Variants in LRP8 observed in about 807,000 individuals in gnomAD.
LRP8 encodes the protein LDL receptor related protein 8, also known as low-density lipoprotein receptor-related protein 8.
Under a neutral mutation model 111.6 loss-of-function variants are expected in LRP8, and 46 were observed. The ratio of observed to expected loss-of-function variants is 0.41; its 90% CI spans 0.33 to 0.53. The LOEUF (loss-of-function observed/expected upper bound fraction) is 0.53. Among genes scored for constraint, LRP8 ranks in the 20% least tolerant of loss-of-function variants. LRP8 has a pLI of 0.20. For missense variants in LRP8, 959 were observed against 1,297.4 expected, an observed-to-expected ratio of 0.74 and a Z score of 4.01; for synonymous variants, 464 against 511.2, an observed-to-expected ratio of 0.91 and a Z score of 1.24.
intron 2 of LRP8, among the ~76,000 whole-genome samples, chr1:53,308,968 T>A (rs982526977): frequency 8.5e-5 from 13 of 152,058 alleles, no homozygotes; most frequent in Admixed American, 8.5e-4. Context: ...AGATCCCCCC[T>A]CAGAGGGCTG....
At chr1:53,260,704 G>T in intron 12 of LRP8, 99 bp from the exon 13 acceptor site, 1 of 1,227,338 alleles carries the variant, frequency 8.1e-7, no homozygotes. Context: ...GAACTTCCCT[G>T]AAATCTCCCC....
At chr1:53,276,363 G>A (rs1032441610) in intron 5 of LRP8, among the ~76,000 whole-genome samples, 2 of 151,416 alleles carry the variant, frequency 1.3e-5, no homozygotes, top group Non-Finnish European at 2.9e-5. Flanking sequence ...CAGGCCTAGC[G>A]GGTAAAGAGA....
At chr1:53,277,186 A>G in intron 4 of LRP8, 108 bp from the exon 5 acceptor site, 3 of 1,331,438 alleles carry the variant, frequency 2.3e-6, no homozygotes, top group Non-Finnish European at 2.9e-6. Flanking sequence ...GGCCAGAACA[A>G]GTGCCCTTTG....
chr1:53,280,234 T>C (rs1055389541), intron 4 of LRP8, among the ~76,000 whole-genome samples: 2 of 152,182 alleles, frequency 1.3e-5, no homozygotes, highest in Non-Finnish European at 2.9e-5. Context: ...ACTTGTGGGA[T>C]GGATGAGCAG....
At position 53,266,822 on chromosome 1, in the gene LRP8, A is replaced by C. The variant is rs1646582438; in HGVS notation, c.1253-175T>G. On this transcript the variant is annotated intron_variant, in intron 8 of 18. Transcript: ENST00000306052. This position sits in a 1 kb window ranked among gnomAD's most constrained non-coding sequence, Gnocchi z 5.0. Reference sequence around the variant, plus strand: ...TGAAATAATGAGTACAGAAAGCAGAAGATGCAGAGCACCACGCATAGCAGG... The same window carrying C: ...TGAAATAATGAGTACAGAAAGCAGACGATGCAGAGCACCACGCATAGCAGG... 3 of 602,644 alleles carry C rather than the reference A, an allele frequency of 5.0e-6. No homozygotes were observed. In the African/African-American group the frequency reaches 5.5e-5, roughly 11 times the overall value. 37.3% of individuals were successfully genotyped at this position (602,644 alleles called of 1,614,324 possible). A position where few individuals can be genotyped will look rare whatever the true frequency, so the allele number is the denominator to read the frequency against.
chr1:53,276,858 G>A lies in LRP8; in HGVS notation c.717C>T (p.Asp239=), dbSNP rs1265466929. ...GACGGCCGCAGAGCTCGGCTGCCTC[G>A]TCCGAGCGGTCCTCGCAGTCAAACT... The part of the protein sequence containing the change: ...DRQFDCEDRS[D]EAAELCGRPG... Residue 239 remains aspartate, a synonymous_variant, in exon 5 of 19, where the codon GAC becomes GAT. Transcript: ENST00000306052. 2 of 1,358,704 alleles carry A rather than the reference G, an allele frequency of 1.5e-6. No homozygotes were observed. Among genetic ancestry groups the A allele is most frequent in the East Asian group, 3.7e-5 (1 of 26,718 alleles). The allele number at this position is 1,358,704 out of a possible 1,614,324, so 84.2% of individuals were successfully genotyped here.
intron 2 of LRP8, among the ~76,000 whole-genome samples, chr1:53,325,132 G>A (rs1654977739): frequency 6.6e-6 from 1 of 152,212 alleles, no homozygotes; most frequent in South Asian, 2.1e-4. Flanking sequence ...AACTCCCAGT[G>A]AGGAAACTCA....
rs372599423 is a variant in LRP8 at position 53,262,598 on chromosome 1, C to T, written c.1656-34G>A. On this transcript the variant is annotated intron_variant, in intron 10 of 18. Transcript: ENST00000306052. The surrounding 1 kb of genome is among the most constrained non-coding windows in gnomAD (Gnocchi z 4.8). Reference sequence around the variant, plus strand: ...CAAAATAACCCAATTTGCCTTCTTGCTGGGGACATGACCGGGGTGGTCTGA... The same window carrying T: ...CAAAATAACCCAATTTGCCTTCTTGTTGGGGACATGACCGGGGTGGTCTGA... 9 of 1,560,402 alleles carry T rather than the reference C, an allele frequency of 5.8e-6. No individual in the cohort carries two copies. Among genetic ancestry groups the T allele is most frequent in the African/African-American group, 1.4e-5 (1 of 73,924 alleles).
At chr1:53,281,973 T>C (rs557950291) in intron 3 of LRP8, among the ~76,000 whole-genome samples, 75 of 152,344 alleles carry the variant, frequency 4.9e-4, no homozygotes, top group African/African-American at 1.7e-3. Context: ...AGTGTTAGGA[T>C]TGACTGAAAG....
intron 10 of LRP8, 146 bp downstream of exon 10, chr1:53,264,023 G>A (rs1307980024): frequency 6.7e-6 from 5 of 748,548 alleles, no homozygotes; most frequent in Admixed American, 2.4e-5. Context: ...GAGAACCTTG[G>A]TTGGGGATTA....
In LRP8 at chr1:53,294,112, C is replaced by G. The variant is rs901484177; in HGVS notation, c.245-4423G>C. ...TGGCTCTGGTTCCCAGGGTGATTCC[C>G]CAGCTGGGCTCAAGGCCATGGCTCC... On this transcript the variant is annotated intron_variant, in intron 2 of 18. Coordinates refer to ENST00000306052, the MANE Select transcript of LRP8 (RefSeq NM_004631.5). This position sits in a 1 kb window ranked among gnomAD's most constrained non-coding sequence, Gnocchi z 4.1. Among the ~76,000 whole-genome samples, 4 of 152,202 alleles carry G rather than the reference C, an allele frequency of 2.6e-5. No homozygotes were observed. Among genetic ancestry groups the G allele is most frequent in the Admixed American group, 2.6e-4 (4 of 15,286 alleles).
chr1:53,327,216 T>C, intron 1 of LRP8: 2 of 587,906 alleles, frequency 3.4e-6, no homozygotes, highest in South Asian at 4.1e-5. Context: ...CTACTTAAAG[T>C]GTCACACGAC....
chr1:53,276,574 T>C (rs2100420748), intron 5 of LRP8, 118 bp downstream of exon 5: 2 of 782,100 alleles, frequency 2.6e-6, no homozygotes, highest in East Asian at 4.8e-5. Flanking sequence ...TCCTCTGTAG[T>C]AAACCCGGGT....
At chr1:53,260,418 G>C (rs1646285995) in intron 13 of LRP8, 46 bp downstream of exon 13, 1 of 1,600,662 alleles carries the variant, frequency 6.2e-7, no homozygotes, top group South Asian at 1.1e-5. Context: ...AGAGGACACA[G>C]TGACACAGTC....
chr1:53,262,160 G>A lies in LRP8; in HGVS notation c.1822C>T (p.Leu608=), dbSNP rs1378285702. The change falls in exon 12 of 19, where the codon CTG becomes TTG. Residue 608 remains leucine (L), a synonymous_variant. Coordinates refer to ENST00000306052, the MANE Select transcript of LRP8 (RefSeq NM_004631.5). The surrounding 1 kb of genome is among the most constrained non-coding windows in gnomAD (Gnocchi z 4.8). ...CCTCCACTGAAGTCAATGCTGGACA[G>A]TTGGTGTAGCTTGGAGTCTACCCAG... ...LYWVDSKLHQ[L]SSIDFSGGNR... 2 of 1,613,938 alleles carry A rather than the reference G, an allele frequency of 1.2e-6. No individual in the cohort carries two copies. The highest frequency in any genetic ancestry group is 1.7e-5 in the Admixed American group (1 of 60,012).
chr1:53,286,382 A>C (rs1180917716), intron 3 of LRP8, among the ~76,000 whole-genome samples: 1 of 151,814 alleles, frequency 6.6e-6, no homozygotes, highest in Non-Finnish European at 1.5e-5. Context: ...CTGGTTAATC[A>C]GAGAGGCCCC....
Position 53,262,409 on chromosome 1 carries a change from T to A in LRP8, c.1774+37A>T. 1 of 1,595,104 alleles carries A rather than the reference T, an allele frequency of 6.3e-7. No homozygotes were observed. The highest frequency in any genetic ancestry group is 8.6e-7 in the Non-Finnish European group (1 of 1,163,872). On this transcript the variant is annotated intron_variant, in intron 11 of 18. Coordinates refer to ENST00000306052, the MANE Select transcript of LRP8 (RefSeq NM_004631.5). This position sits in a 1 kb window ranked among gnomAD's most constrained non-coding sequence, Gnocchi z 4.8. The stretch of plus-strand genomic sequence containing the variant: ...CCAGACAGTGATCAGGACAAGGCAC[T>A]AGAATAGGCCCCCAACCCAGGAAAG...
At position 53,276,855 on chromosome 1, in the gene LRP8, C is replaced by T; in HGVS notation, c.720G>A (p.Glu240=). 3.7e-6 allele frequency: 5 copies of T among 1,336,514 alleles called. No homozygotes were observed. The highest frequency in any genetic ancestry group is 4.8e-6 in the Non-Finnish European group (5 of 1,044,374). The allele number at this position is 1,336,514 out of a possible 1,614,324, so 82.8% of individuals were successfully genotyped here. The change falls in exon 5 of 19, where the codon GAG becomes GAA. Residue 240 remains glutamate (E), a synonymous_variant. Coordinates refer to ENST00000306052, the MANE Select transcript of LRP8 (RefSeq NM_004631.5). ...RQFDCEDRSD[E]AAELCGRPGP... is the part of the protein sequence containing the mutation. ...CCGGACGGCCGCAGAGCTCGGCTGC[C>T]TCGTCCGAGCGGTCCTCGCAGTCAA...
At chr1:53,326,350 C>T (rs552325736) in intron 2 of LRP8, among the ~76,000 whole-genome samples, 1 of 152,360 alleles carries the variant, frequency 6.6e-6, no homozygotes, top group Admixed American at 6.5e-5. Flanking sequence ...CCGTCTGCTC[C>T]GCGATTGGCC....
Sources: gnomAD v4.1 joint callset for allele counts (sites outside exome capture counted in the v4.1 genomes callset) on GRCh38, gnomAD v4.1.1 for gene constraint, Gnocchi (gnomAD v3.1) non-coding constraint, MANE v1.5 for transcripts, NCBI Gene and HGNC (gene_info 2026-07-23, HGNC 2026-07-21) for gene names.